The following MAGED2 variants were observed in gnomAD, a reference collection of about 807,000 sequenced individuals.
The protein encoded by MAGED2 is MAGE family member D2.
MAGED2 carries 6 observed loss-of-function variants against 41.7 expected under a neutral mutation model. The observed-to-expected ratio is 0.14, with a 90% CI of 0.08 to 0.28. The LOEUF (loss-of-function observed/expected upper bound fraction) is 0.28. Among genes scored for constraint, MAGED2 ranks in the 10% least tolerant of loss-of-function variants. MAGED2 has a pLI of 1.00. For missense variants in MAGED2, 343 were observed against 486.4 expected (o/e 0.71, Z 2.77); for synonymous variants, 146 against 178.2 (o/e 0.82, Z 1.44).
At chrX:54,813,712 G>T (rs142457673) in intron 10 of MAGED2, among the ~76,000 whole-genome samples, 162 bp downstream of exon 10, 55 of 112,122 alleles carry the variant, frequency 4.9e-4, no homozygotes, top group African/African-American at 1.8e-3. Context: ...ATGGGAAACA[G>T]GAGCAGCACA....
rs138103264 is a variant in MAGED2, at chrX:54,811,331, C to G, written c.910+18C>G. ...GCGCTCGGGTAAAGTCCTACCAATC[C>G]TCCCTCTGCCCTGAGCTCTGCCCTC... On this transcript the variant is annotated intron_variant, in intron 5 of 12. Transcript: ENST00000375068. 1.1e-3 allele frequency: 1,258 copies of G among 1,195,030 alleles called. 8 individuals carry two copies. The African/African-American group carries it at 0.019, about 18-fold the overall frequency.
chrX:54,815,709 G>GT lies in MAGED2; in HGVS notation c.*8+20dup. 9.3e-7 allele frequency: 1 copy of GT among 1,069,598 alleles called. No individual in the cohort carries two copies. The highest frequency in any genetic ancestry group is 1.3e-6 in the Non-Finnish European group (1 of 792,402). 88.1% of individuals were successfully genotyped at this position (1,069,598 alleles called of 1,213,427 possible). On this transcript the variant is annotated intron_variant, in intron 12 of 12. Coordinates refer to ENST00000375068, the MANE Select transcript of MAGED2 (RefSeq NM_177433.3). ...ATTTTAGGTATCTGCCTTGGTTTCAGTGGGGACATCTGGGGCTTATGGGGC... is the reference window on the plus strand; with the variant it reads ...ATTTTAGGTATCTGCCTTGGTTTCAGTTGGGGACATCTGGGGCTTATGGGGC...
Position 54,813,155 on chromosome X carries a change from C to T in MAGED2, c.1203C>T (p.Arg401=). 1.7e-6 allele frequency: 2 copies of T among 1,211,139 alleles called. No homozygotes were observed. The highest frequency in any genetic ancestry group is 2.2e-6 in the Non-Finnish European group (2 of 895,597). Residue 401 remains arginine (R), a synonymous_variant, in exon 9 of 13, where the codon CGC becomes CGT. Coordinates refer to ENST00000375068, the MANE Select transcript of MAGED2 (RefSeq NM_177433.3). ...IWEVLRKLGL[R]PGIHHSLFGD... is the part of the protein sequence containing the mutation. ...AGGTGCTGCGCAAGTTGGGGCTGCGCCCTGGGTATGATTGGGCTCTCTCAG... is the reference window on the plus strand; with the variant it reads ...AGGTGCTGCGCAAGTTGGGGCTGCGTCCTGGGTATGATTGGGCTCTCTCAG...
chrX:54,815,189 T>C (rs1929923826), intron 11 of MAGED2, 59 bp from the exon 12 acceptor site: 1 of 1,127,086 alleles, frequency 8.9e-7, no homozygotes, highest in African/African-American at 1.8e-5. Flanking sequence ...ATAGTAATAC[T>C]GTATTATTAC....
rs766390320 is a variant in MAGED2, at chrX:54,813,528, A to C, written c.1249A>C (p.Thr417Pro). ...SLFGDVKKLI[T>P]DEFVKQKYLD... ...CTTTGGGGACGTGAAGAAGCTCATCACTGATGAGTTTGTGAAGCAGAAGTA... is the reference window on the plus strand; with the variant it reads ...CTTTGGGGACGTGAAGAAGCTCATCCCTGATGAGTTTGTGAAGCAGAAGTA... Residue 417 changes from threonine to proline, a missense_variant, in exon 10 of 13, where the codon ACT (threonine) becomes CCT (proline). By Grantham distance (38) the Thr-to-Pro change is conservative (BLOSUM62 -1). Transcript: ENST00000375068. 1 of 1,206,761 alleles carries C rather than the reference A, an allele frequency of 8.3e-7. No individual in the cohort carries two copies. The highest frequency in any genetic ancestry group is 1.7e-5 in the African/African-American group (1 of 57,176).
chrX:54,814,682 C>T lies in MAGED2; in HGVS notation c.1293C>T (p.Val431=), dbSNP rs753666567. 3.3e-6 allele frequency: 4 copies of T among 1,206,650 alleles called. No homozygotes were observed. The highest frequency in any genetic ancestry group is 4.5e-6 in the Non-Finnish European group (4 of 890,721). Residue 431 remains valine (V), a synonymous_variant, in exon 11 of 13, where the codon GTC becomes GTT. Transcript: ENST00000375068. ...CAAGGTACCTGGACTATGCCAGAGT[C>T]CCCAATAGCAATCCCCCTGAATATG... is the stretch of plus-strand genomic sequence containing the variant. ...VKQKYLDYAR[V]PNSNPPEYEF...
chrX:54,815,868 C>T lies in MAGED2; in HGVS notation c.*9-13C>T. The T allele has an allele frequency of 2.3e-6, 1 of 428,589 alleles. No individual in the cohort carries two copies. The allele number at this position is 428,589 out of a possible 1,213,427, so 35.3% of individuals were successfully genotyped here. On this transcript the variant is annotated splice_polypyrimidine_tract_variant and intron_variant, in intron 12 of 12. Transcript: ENST00000375068. ...CAATTGACCCTTTTATTTTCTCTTA[C>T]TTGTGTTTTCAGATATTGTTAATCC... is the stretch of plus-strand genomic sequence containing the variant.
intron 11 of MAGED2, 117 bp downstream of exon 11, chrX:54,814,892 A>G: frequency 3.8e-6 from 2 of 529,598 alleles, no homozygotes; most frequent in Non-Finnish European, 3.2e-6. Context: ...GCTTCTGTTA[A>G]TTGTCAAAAC....
At chrX:54,815,826 T>C in intron 12 of MAGED2, 55 bp from the exon 13 acceptor site, 1 of 452,353 alleles carries the variant, frequency 2.2e-6, no homozygotes, top group Non-Finnish European at 3.8e-6. Flanking sequence ...TTTTATTCCT[T>C]TCTGTTTGCT....
chrX:54,812,586 C>T (rs1929840692), intron 7 of MAGED2, among the ~76,000 whole-genome samples: 1 of 111,605 alleles, frequency 9.0e-6, no homozygotes, highest in African/African-American at 3.3e-5. Context: ...AGGAGGGCTT[C>T]CTGGTGTGGG....
At chrX:54,809,181 G>C (rs1029947550) in intron 1 of MAGED2, 122 bp from the exon 2 acceptor site, 2 of 505,524 alleles carry the variant, frequency 4.0e-6, no homozygotes, top group East Asian at 3.6e-5. Context: ...GAACGGAGTC[G>C]TTGGGGGTGG....
At position 54,810,159 on chromosome X, in the gene MAGED2, G is replaced by C. The variant is rs1187773795; in HGVS notation, c.483G>C (p.Gln161His). 8.5e-7 allele frequency: 1 copy of C among 1,181,557 alleles called. No individual in the cohort carries two copies. The highest frequency in any genetic ancestry group is 1.1e-6 in the Non-Finnish European group (1 of 879,876). The change falls in exon 3 of 13, where the codon CAG becomes CAC. Residue 161 changes from glutamine (Q) to histidine (H), a missense_variant. Gln to His is a conservative substitution (Grantham distance 24). Coordinates refer to ENST00000375068, the MANE Select transcript of MAGED2 (RefSeq NM_177433.3). ...DEPEPESAAA[Q>H]SQENQDTRPK... Reference sequence around the variant, plus strand: ...CTGAGCCTGAGAGTGCAGCTGCCCAGTCTCAGGAGAATCAGGATACTCGGC... The same window carrying C: ...CTGAGCCTGAGAGTGCAGCTGCCCACTCTCAGGAGAATCAGGATACTCGGC...
chrX:54,810,741 T>C, intron 3 of MAGED2, 80 bp from the exon 4 acceptor site: 2 of 861,379 alleles, frequency 2.3e-6, no homozygotes, highest in Non-Finnish European at 3.2e-6. Flanking sequence ...GATTAGCGGG[T>C]GCTTCCTGGA....
intron 7 of MAGED2, among the ~76,000 whole-genome samples, 174 bp from the exon 8 acceptor site, chrX:54,812,771 G>T (rs1449870536): frequency 8.9e-6 from 1 of 112,605 alleles, no homozygotes; most frequent in African/African-American, 3.2e-5. Flanking sequence ...CTGAAGAGTA[G>T]ACTGAGGCTT....
Position 54,810,038 on chromosome X carries a change from C to T in MAGED2, c.362C>T (p.Thr121Ile). 5 of 1,208,706 alleles carry T rather than the reference C, an allele frequency of 4.1e-6. No homozygotes were observed. The highest frequency in any genetic ancestry group is 5.6e-6 in the Non-Finnish European group (5 of 894,000). The change falls in exon 3 of 13, where the codon ACT becomes ATT. Residue 121 changes from threonine (T) to isoleucine (I), a missense_variant. This residue lies in a region of MAGED2 where 195 missense variants were observed against 221.2 expected (regional missense o/e 0.88). Coordinates refer to ENST00000375068, the MANE Select transcript of MAGED2 (RefSeq NM_177433.3). ...ADPQAVTMPA[T>I]ETKKVSHVAD... is the part of the protein sequence containing the mutation. ...CCGCAGGCTGTGACAATGCCTGCCA[C>T]TGAGACCAAAAAGGTCAGCCATGTG...
intron 2 of MAGED2, 59 bp from the exon 3 acceptor site, chrX:54,809,663 C>T (rs1929735075): frequency 1.7e-6 from 2 of 1,156,668 alleles, no homozygotes; most frequent in African/African-American, 3.6e-5. Context: ...AATTTTGGAG[C>T]CATTTGCTTA....
intron 6 of MAGED2, 140 bp from the exon 7 acceptor site, chrX:54,812,017 G>T: frequency 2.2e-6 from 1 of 463,763 alleles, no homozygotes; most frequent in Non-Finnish European, 3.9e-6. Context: ...TTTACCGGGT[G>T]CCAGGCACTT....
At chrX:54,808,900 T>G (rs967167898) in intron 1 of MAGED2, among the ~76,000 whole-genome samples, 1 of 111,823 alleles carries the variant, frequency 8.9e-6, no homozygotes, top group Admixed American at 9.4e-5. Flanking sequence ...AGGGGCGTGT[T>G]GAGAAGGGCC....
intron 4 of MAGED2, 38 bp downstream of exon 4, chrX:54,811,167 G>A (rs1364088789): frequency 1.7e-6 from 2 of 1,194,926 alleles, no homozygotes; most frequent in Admixed American, 2.2e-5. Flanking sequence ...CTTTTCTACT[G>A]CCTTGGCTGT....
Sources: allele counts gnomAD v4.1 joint callset (sites outside exome capture counted in the v4.1 genomes callset), GRCh38; gene constraint gnomAD v4.1.1; regional missense constraint gnomAD v4.1.1; transcripts MANE v1.5; gene names NCBI Gene and HGNC (gene_info 2026-07-23, HGNC 2026-07-21).